Variants in POLA1 observed in about 807,000 individuals in gnomAD.
The protein encoded by POLA1 is DNA polymerase alpha catalytic subunit.
Under a neutral mutation model 124.0 loss-of-function variants are expected in POLA1, and 15 were observed. That is an observed-to-expected ratio of 0.12 (90% CI 0.08 to 0.19). The LOEUF is 0.19. Among genes scored for constraint, POLA1 ranks in the 10% least tolerant of loss-of-function variants. POLA1 has a pLI of 1.00. For missense variants in POLA1, 886 were observed against 1,103.4 expected, an observed-to-expected ratio of 0.80 and a Z score of 2.79; for synonymous variants, 408 against 389.4, an observed-to-expected ratio of 1.05 and a Z score of -0.56.
chrX:24,694,032 C>T (rs764586607), intron 1 of POLA1, 28 bp downstream of exon 1: 35 of 1,153,997 alleles, frequency 3.0e-5, no homozygotes, highest in Non-Finnish European at 3.8e-5. Flanking sequence ...GCGCGGGGCT[C>T]CGGGTTGGGA....
intron 36 of POLA1, among the ~76,000 whole-genome samples, chrX:24,951,779 C>G (rs2048048662): frequency 8.9e-6 from 1 of 111,737 alleles, no homozygotes; most frequent in Non-Finnish European, 1.9e-5. Flanking sequence ...TTAAGCACTT[C>G]TAAACTCCTG....
At chrX:24,890,987 A>G (rs1601841383) in intron 35 of POLA1, among the ~76,000 whole-genome samples, 1 of 112,227 alleles carries the variant, frequency 8.9e-6, no homozygotes, top group Admixed American at 9.5e-5. Context: ...GTTAAGTTCA[A>G]TGAAAATCAA....
chrX:24,858,191 G>C (rs772034873), intron 34 of POLA1, among the ~76,000 whole-genome samples: 102 of 112,118 alleles, frequency 9.1e-4, no homozygotes, highest in Non-Finnish European at 1.7e-3. Context: ...TAAGTCTTCA[G>C]ATTTATTGCT....
intron 20 of POLA1, among the ~76,000 whole-genome samples, chrX:24,740,868 C>T (rs998366967): frequency 4.5e-5 from 5 of 111,721 alleles, no homozygotes; most frequent in African/African-American, 6.5e-5. Context: ...TTAATATTCC[C>T]GTTGCTTAAC....
intron 30 of POLA1, among the ~76,000 whole-genome samples, chrX:24,820,901 C>T (rs978941333): frequency 8.9e-5 from 10 of 111,985 alleles, no homozygotes; most frequent in African/African-American, 2.9e-4. Context: ...TCGTTAGGAA[C>T]ACTGTGCATG....
chrX:24,942,715 G>A (rs1164775307), intron 36 of POLA1, among the ~76,000 whole-genome samples: 1 of 111,924 alleles, frequency 8.9e-6, no homozygotes, highest in African/African-American at 3.2e-5. Flanking sequence ...TTTTGAGATA[G>A]GGTCTCGCTC....
At chrX:24,970,665 A>G (rs992140452) in intron 36 of POLA1, among the ~76,000 whole-genome samples, 3 of 112,458 alleles carry the variant, frequency 2.7e-5, no homozygotes, top group African/African-American at 9.7e-5. Context: ...TTCTCAAAAT[A>G]ATACATATAT....
At chrX:24,948,095 T>C (rs898098833) in intron 36 of POLA1, among the ~76,000 whole-genome samples, 1 of 112,340 alleles carries the variant, frequency 8.9e-6, no homozygotes, top group Admixed American at 9.4e-5. Flanking sequence ...AAAGGAGGTC[T>C]ATAAGTGCAA....
intron 36 of POLA1, among the ~76,000 whole-genome samples, chrX:24,960,811 A>G (rs1259812088): frequency 8.9e-6 from 1 of 111,951 alleles, no homozygotes; most frequent in African/African-American, 3.2e-5. Flanking sequence ...ATCAGTGAGG[A>G]CATTCACTAG....
At chrX:24,777,384 T>C (rs2045160576) in intron 26 of POLA1, among the ~76,000 whole-genome samples, 1 of 112,671 alleles carries the variant, frequency 8.9e-6, no homozygotes. Context: ...TGTATTGTTT[T>C]GGGAAGAACT....
At chrX:24,963,779 G>A (rs761291409) in intron 36 of POLA1, among the ~76,000 whole-genome samples, 4 of 111,057 alleles carry the variant, frequency 3.6e-5, no homozygotes, top group Non-Finnish European at 5.7e-5. Flanking sequence ...AAAACAAAAG[G>A]CAACATATAC....
At chrX:24,763,135 G>A (rs1932828144) in intron 26 of POLA1, among the ~76,000 whole-genome samples, 1 of 111,905 alleles carries the variant, frequency 8.9e-6, no homozygotes, top group African/African-American at 3.2e-5. Context: ...CAGAGTGGAT[G>A]AGGGGAAACT....
chrX:24,730,434 C>T (rs1460346564), intron 15 of POLA1, among the ~76,000 whole-genome samples: 2 of 110,668 alleles, frequency 1.8e-5, no homozygotes, highest in African/African-American at 3.3e-5. Context: ...TTAGTAGAGA[C>T]GGAGTTTCCC....
rs977873571 is a variant in POLA1 at position 24,996,314 on chromosome X, A to G, written c.*364A>G. 12 of 136,455 alleles carry G rather than the reference A, an allele frequency of 8.8e-5. No homozygotes were observed. Among genetic ancestry groups the G allele is most frequent in the Non-Finnish European group, 1.6e-4 (11 of 69,803 alleles). 11.2% of individuals were successfully genotyped at this position (136,455 alleles called of 1,213,427 possible). A position where few individuals can be genotyped will look rare whatever the true frequency, so the allele number is the denominator to read the frequency against. ...GGCTTTGCCTCAGGGCCTTTAGCCT[A>G]TGTCCCCCCCACATAAAGAGAGCTT... On this transcript the variant is annotated 3_prime_UTR_variant, in exon 37 of 37. Transcript: ENST00000379068.
chrX:24,784,863 G>A (rs960458611), intron 26 of POLA1, among the ~76,000 whole-genome samples: 1 of 111,518 alleles, frequency 9.0e-6, no homozygotes, highest in Non-Finnish European at 1.9e-5. Flanking sequence ...GAAAAGATAG[G>A]TGCAGGTACA....
At chrX:24,861,766 C>T (rs1569341825) in intron 34 of POLA1, among the ~76,000 whole-genome samples, 1 of 112,165 alleles carries the variant, frequency 8.9e-6, no homozygotes, top group African/African-American at 3.2e-5. Context: ...CGTTACCTAA[C>T]CAGAGAATTT....
intron 36 of POLA1, among the ~76,000 whole-genome samples, chrX:24,945,894 C>T (rs747742559): frequency 5.4e-5 from 6 of 110,791 alleles, no homozygotes; most frequent in Admixed American, 1.9e-4. Flanking sequence ...GTGCTGTATA[C>T]GCTAATGTAG....
At chrX:24,884,008 A>G (rs1178233730) in intron 34 of POLA1, among the ~76,000 whole-genome samples, 3 of 111,954 alleles carry the variant, frequency 2.7e-5, no homozygotes, top group Admixed American at 1.9e-4. Flanking sequence ...TGAGTGATCA[A>G]TCAGAGTGAA....
intron 5 of POLA1, 90 bp from the exon 6 acceptor site, chrX:24,715,051 A>C: frequency 1.6e-6 from 1 of 617,163 alleles, no homozygotes; most frequent in Non-Finnish European, 2.7e-6. Context: ...CTAACTGGCT[A>C]GGTCCTTCCT....
Sources: gnomAD v4.1 joint callset for allele counts (sites outside exome capture counted in the v4.1 genomes callset) on GRCh38, gnomAD v4.1.1 for gene constraint, MANE v1.5 for transcripts, NCBI Gene and HGNC (gene_info 2026-07-23, HGNC 2026-07-21) for gene names.